Variants in PTPRT observed in about 807,000 individuals in gnomAD.
PTPRT encodes the protein receptor-type tyrosine-protein phosphatase T.
PTPRT carries 56 observed loss-of-function variants against 176.8 expected under a neutral mutation model. That is an observed-to-expected ratio of 0.32 (90% CI 0.26 to 0.40). The LOEUF is 0.40. Ranked by LOEUF, PTPRT falls within the 10% of genes least tolerant of loss-of-function variation. The pLI is 1.00. For synonymous variants in PTPRT, 783 were observed against 739.0 expected, an observed-to-expected ratio of 1.06 and a Z score of -0.96; for missense variants, 1,540 against 1,908.2, an observed-to-expected ratio of 0.81 and a Z score of 3.60.
chr20:42,573,551 AG>A (rs2073196784), intron 7 of PTPRT, among the ~76,000 whole-genome samples: 1 of 152,080 alleles, frequency 6.6e-6, no homozygotes, highest in Admixed American at 6.6e-5. Flanking sequence ...TTTGAATTGA[AG>A]GACACTGACT....
intron 7 of PTPRT, among the ~76,000 whole-genome samples, chr20:42,654,476 T>C (rs1184309255): frequency 1.3e-5 from 2 of 152,204 alleles, no homozygotes; most frequent in Non-Finnish European, 1.5e-5. Flanking sequence ...AGGGCCACTC[T>C]ACCCCCAGAA....
At chr20:42,119,013 GAAAAAAAAAAAAAA>G (rs11415242) in intron 20 of PTPRT, among the ~76,000 whole-genome samples, 3 of 29,214 alleles carry the variant, frequency 1.0e-4, no homozygotes, top group Non-Finnish European at 1.8e-4. Context: ...AGAAAGGAAG[GAAAAAAAAAAAAAA>G]AAAAAAAAAA....
At chr20:43,040,860 T>A (rs565472098) in intron 1 of PTPRT, among the ~76,000 whole-genome samples, 3 of 152,340 alleles carry the variant, frequency 2.0e-5, no homozygotes, top group African/African-American at 7.2e-5. Context: ...ATTCCCTGCT[T>A]CCTGCTTCCA....
Position 42,780,163 on chromosome 20 carries a change from T to C in PTPRT, c.568+55A>G, listed in dbSNP as rs565106979. 3.6e-6 allele frequency: 5 copies of C among 1,391,804 alleles called. No individual in the cohort carries two copies. The South Asian group carries it at 5.8e-5, about 16-fold the overall frequency. The allele number at this position is 1,391,804 out of a possible 1,614,324, so 86.2% of individuals were successfully genotyped here. On this transcript the variant is annotated intron_variant, in intron 4 of 30. Coordinates refer to ENST00000373187, the MANE Select transcript of PTPRT (RefSeq NM_007050.6). ...TGAATGGAAGGGATTGCAGGCTCTA[T>C]GCTACCCAGTCTGGCATGGATCAAG... is the stretch of plus-strand genomic sequence containing the variant.
chr20:42,108,565 T>A (rs541397777), intron 23 of PTPRT, among the ~76,000 whole-genome samples: 5 of 152,252 alleles, frequency 3.3e-5, no homozygotes, highest in Admixed American at 6.5e-5. Context: ...AGCCATTTTT[T>A]ATTGAGAAAT....
intron 15 of PTPRT, among the ~76,000 whole-genome samples, chr20:42,221,804 C>A (rs575644479): frequency 1.3e-5 from 2 of 152,220 alleles, no homozygotes; most frequent in African/African-American, 2.4e-5. Flanking sequence ...CAGATGTGAG[C>A]CACCACACCT....
At chr20:42,653,525 A>G (rs1037149081) in intron 7 of PTPRT, among the ~76,000 whole-genome samples, 3 of 152,212 alleles carry the variant, frequency 2.0e-5, no homozygotes, top group Non-Finnish European at 2.9e-5. Flanking sequence ...CAGGCAGCTA[A>G]GGAGTGGAAG....
At chr20:43,048,863 T>TCACGAAG (rs1986939866) in intron 1 of PTPRT, among the ~76,000 whole-genome samples, 1 of 152,078 alleles carries the variant, frequency 6.6e-6, no homozygotes, top group Admixed American at 6.5e-5. Flanking sequence ...AACAGCAGTC[T>TCACGAAG]TCCTGCAAGT....
chr20:42,415,362 T>G (rs201971590), intron 9 of PTPRT, among the ~76,000 whole-genome samples: 11 of 149,674 alleles, frequency 7.3e-5, no homozygotes, highest in Non-Finnish European at 1.0e-4. Flanking sequence ...TTTTTGTCTT[T>G]TTTGTTTGTT....
the PTPRT span, among the ~76,000 whole-genome samples, chr20:42,038,503 A>C: frequency 3.3e-5 from 5 of 152,132 alleles, no homozygotes; most frequent in Non-Finnish European, 7.3e-5. Context: ...TGGACTAGGG[A>C]AGGAAGGGCA....
chr20:42,534,879 C>T lies in PTPRT; in HGVS notation c.1154-62317G>A, dbSNP rs904313265. 2.6e-4 allele frequency among the ~76,000 whole-genome samples: 39 copies of T among 152,112 alleles called. 1 individual carries two copies. Among genetic ancestry groups the T allele is most frequent in the Non-Finnish European group, 1.2e-4 (8 of 68,004 alleles). On this transcript the variant is annotated intron_variant, in intron 7 of 30. Coordinates refer to ENST00000373187, the MANE Select transcript of PTPRT (RefSeq NM_007050.6). ...CATAAGGTGACTGTGGGAATAAAAG[C>T]AGCATATCAACAATGGTACGTATTT... is the stretch of plus-strand genomic sequence containing the variant.
chr20:42,669,686 A>G (rs2075380560), intron 7 of PTPRT, among the ~76,000 whole-genome samples: 1 of 152,126 alleles, frequency 6.6e-6, no homozygotes, highest in African/African-American at 2.4e-5. Flanking sequence ...CTAGACCTTC[A>G]ATTACCTCTT....
chr20:42,960,580 T>C (rs1402547553), intron 1 of PTPRT, among the ~76,000 whole-genome samples: 2 of 152,176 alleles, frequency 1.3e-5, no homozygotes, highest in Admixed American at 1.3e-4. Context: ...GTCGCATTAA[T>C]AGAAGTACCT....
intron 7 of PTPRT, among the ~76,000 whole-genome samples, chr20:42,509,910 T>C (rs986640960): frequency 4.6e-5 from 7 of 152,088 alleles, no homozygotes; most frequent in African/African-American, 7.2e-5. Context: ...CCTCTGATCA[T>C]ATAGATAGGA....
intron 6 of PTPRT, among the ~76,000 whole-genome samples, chr20:42,754,323 C>T (rs1476763835): frequency 6.6e-6 from 1 of 152,190 alleles, no homozygotes; most frequent in African/African-American, 2.4e-5. Flanking sequence ...GCAGCTGGGA[C>T]TAGAGGCACG....
intron 11 of PTPRT, among the ~76,000 whole-genome samples, chr20:42,332,665 G>C (rs955774765): frequency 7.3e-5 from 11 of 151,526 alleles, no homozygotes; most frequent in Non-Finnish European, 1.3e-4. Flanking sequence ...GAGAATAAAC[G>C]AAGTCTCTCT....
At chr20:42,244,930 T>C (rs950208727) in intron 14 of PTPRT, among the ~76,000 whole-genome samples, 4 of 152,128 alleles carry the variant, frequency 2.6e-5, no homozygotes, top group African/African-American at 9.7e-5. Flanking sequence ...AACCTCTTGA[T>C]TGCTGGTTTT....
At chr20:42,205,085 G>C (rs1185458572) in intron 15 of PTPRT, among the ~76,000 whole-genome samples, 1 of 111,288 alleles carries the variant, frequency 9.0e-6, no homozygotes, top group African/African-American at 3.4e-5. Context: ...GGGGGGAGGG[G>C]GGAGGGATAG....
chr20:42,270,433 C>G, intron 13 of PTPRT: 1 of 1,550,234 alleles, frequency 6.5e-7, no homozygotes, highest in Non-Finnish European at 8.7e-7. Context: ...CCCGGGGTCA[C>G]CTGGGCGCTG....
Sources: gnomAD v4.1 joint callset for allele counts (sites outside exome capture counted in the v4.1 genomes callset) on GRCh38, gnomAD v4.1.1 for gene constraint, MANE v1.5 for transcripts, NCBI Gene and HGNC (gene_info 2026-07-23, HGNC 2026-07-21) for gene names.